ACACA: variants seen among roughly 807,000 people sequenced by gnomAD.
ACACA encodes acetyl-CoA carboxylase alpha, also known as acetyl-CoA carboxylase 1.
In ACACA, 103 loss-of-function variants were observed where a neutral mutation model predicts 296.1. The observed-to-expected ratio is 0.35, with a 90% confidence interval of 0.30 to 0.41. ACACA has a LOEUF of 0.41. ACACA is among the 10% of genes least tolerant of loss of function. ACACA has a pLI of 1.00. For missense variants in ACACA, 1,554 were observed against 2,989.7 expected, an observed-to-expected ratio of 0.52 and a Z score of 11.20; for synonymous variants, 953 against 1,038.6, an observed-to-expected ratio of 0.92 and a Z score of 1.58.
intron 25 of ACACA, among the ~76,000 whole-genome samples, chr17:37,229,036 C>T (rs1189343538): frequency 1.3e-5 from 2 of 149,950 alleles, no homozygotes; most frequent in Admixed American, 1.3e-4. Flanking sequence ...CCCAACTACT[C>T]GGGAGGCTGA....
chr17:37,087,325 A>C lies in ACACA; in HGVS notation c.7143T>G (p.Pro2381=). The C allele has an allele frequency of 1.2e-6, 2 of 1,614,174 alleles. No homozygotes were observed. Among genetic ancestry groups the C allele is most frequent in the Non-Finnish European group, 1.7e-6 (2 of 1,180,020 alleles). The change falls in exon 56 of 56, where the codon CCT becomes CCG. Residue 2381 remains proline, a synonymous_variant. Coordinates refer to ENST00000616317, the MANE Select transcript of ACACA (RefSeq NM_198834.3). ...AGGCAGGAAGCTCTTCCTACGTGGA[A>C]GGGGAATCCATTGTGGAGAGGATCC... ...VIRILSTMDS[P]ST
intron 3 of ACACA, among the ~76,000 whole-genome samples, chr17:37,329,962 A>G (rs1225227569): frequency 2.0e-5 from 3 of 152,118 alleles, no homozygotes; most frequent in African/African-American, 7.2e-5. Context: ...ACAAAAACAA[A>G]AAAAACCTAG....
At position 37,277,795 on chromosome 17, in the gene ACACA, G is replaced by T. The variant is rs76327436; in HGVS notation, c.720+101C>A. 1,749 of 916,338 alleles carry T rather than the reference G, an allele frequency of 1.9e-3. 1 individual carries two copies. Among genetic ancestry groups the T allele is most frequent in the Non-Finnish European group, 2.7e-3 (1,545 of 566,330 alleles). The allele number at this position is 916,338 out of a possible 1,614,324, so 56.8% of individuals were successfully genotyped here. A position where few individuals can be genotyped will look rare whatever the true frequency, so the allele number is the denominator to read the frequency against. On this transcript the variant is annotated intron_variant, in intron 6 of 55. Coordinates refer to ENST00000616317, the MANE Select transcript of ACACA (RefSeq NM_198834.3). Reference sequence around the variant, plus strand: ...CATACACAGGCATTTAATAATTTTCGAAAATGATGCTTTACAAAAATGTTC... The same window carrying T: ...CATACACAGGCATTTAATAATTTTCTAAAATGATGCTTTACAAAAATGTTC...
intron 52 of ACACA, among the ~76,000 whole-genome samples, chr17:37,111,107 G>A (rs925167956): frequency 3.9e-5 from 6 of 152,042 alleles, no homozygotes; most frequent in African/African-American, 9.7e-5. Context: ...GGAAGACCCC[G>A]GAACACCACC....
chr17:37,213,229 A>T (rs2078834536), intron 29 of ACACA, among the ~76,000 whole-genome samples: 1 of 151,076 alleles, frequency 6.6e-6, no homozygotes, highest in Non-Finnish European at 1.5e-5. Context: ...CACACAGTAC[A>T]CCTGTAATCC....
At chr17:37,111,067 C>A (rs569326609) in intron 52 of ACACA, among the ~76,000 whole-genome samples, 2 of 152,228 alleles carry the variant, frequency 1.3e-5, no homozygotes, top group South Asian at 2.1e-4. Context: ...GCACACAGTG[C>A]GCAATCTTTA....
Position 37,097,215 on chromosome 17 carries a change from T to A in ACACA, c.6721-49A>T, listed in dbSNP as rs760616500. The A allele has an allele frequency of 6.3e-7, 1 of 1,597,634 alleles. No homozygotes were observed. The highest frequency in any genetic ancestry group is 1.1e-5 in the South Asian group (1 of 90,526). On this transcript the variant is annotated intron_variant, in intron 53 of 55. Transcript: ENST00000616317. This position sits in a 1 kb window ranked among gnomAD's most constrained non-coding sequence, Gnocchi z 4.8. ...TAGCCCAGTCCTAATTCCTGCTTAA[T>A]GCTCAGTCTGGAGGGAAACCCACAG...
intron 24 of ACACA, among the ~76,000 whole-genome samples, chr17:37,237,894 T>G (rs766998360): frequency 7.2e-5 from 11 of 152,112 alleles, no homozygotes; most frequent in Admixed American, 2.0e-4. Flanking sequence ...CCCAAGAAGC[T>G]AGGACTACAG....
intron 1 of ACACA, chr17:37,385,868 A>G (rs960534534): frequency 1.2e-4 from 63 of 545,308 alleles, no homozygotes; most frequent in Middle Eastern, 9.2e-4. Flanking sequence ...TTTTGTGCTC[A>G]CACCCTAAAC....
chr17:37,179,568 G>T (rs1337016990), intron 40 of ACACA, among the ~76,000 whole-genome samples, 162 bp from the exon 41 acceptor site: 1 of 152,130 alleles, frequency 6.6e-6, no homozygotes, highest in African/African-American at 2.4e-5. Flanking sequence ...AGTTAAAATA[G>T]ATTTGTAATT....
intron 39 of ACACA, among the ~76,000 whole-genome samples, chr17:37,185,402 CTTTTTTTTTTTTT>C (rs67821579): frequency 4.1e-5 from 2 of 48,438 alleles, no homozygotes; most frequent in Non-Finnish European, 7.4e-5. Flanking sequence ...CTGGCTATTT[CTTTTTTTTTTTTT>C]TTTTTTTTTT....
intron 50 of ACACA, among the ~76,000 whole-genome samples, chr17:37,120,038 C>T (rs1372952408): frequency 6.6e-6 from 1 of 150,382 alleles, no homozygotes; most frequent in Non-Finnish European, 1.5e-5. Context: ...GGATTATAGG[C>T]ATGCACCACC....
intron 2 of ACACA, among the ~76,000 whole-genome samples, chr17:37,337,301 A>G (rs2147290023): frequency 6.6e-6 from 1 of 152,080 alleles, no homozygotes; most frequent in Non-Finnish European, 1.5e-5. Flanking sequence ...CTGTAGTCCC[A>G]GCTACTGGGG....
In ACACA at chr17:37,244,585, T is replaced by C. The variant is rs536606529; in HGVS notation, c.2742+3A>G. ...TCCCTTCCCCAGGAGACGTGATACA[T>C]ACCTTGCTGCTAAAGAAAGGATCTG... On this transcript the variant is annotated splice_donor_region_variant and intron_variant, in intron 21 of 55. Transcript: ENST00000616317. 3 of 1,614,110 alleles carry C rather than the reference T, an allele frequency of 1.9e-6. No individual in the cohort carries two copies. The highest frequency in any genetic ancestry group is 2.2e-5 in the South Asian group (2 of 91,080).
intron 1 of ACACA, among the ~76,000 whole-genome samples, chr17:37,373,831 A>G (rs1449951530): frequency 6.6e-6 from 1 of 152,144 alleles, no homozygotes; most frequent in Admixed American, 6.6e-5. Flanking sequence ...GGGAGCAGAG[A>G]ATCATGTCAT....
chr17:37,187,766 C>A (rs1005437775), intron 39 of ACACA, among the ~76,000 whole-genome samples: 5 of 152,066 alleles, frequency 3.3e-5, no homozygotes, highest in African/African-American at 1.2e-4. Flanking sequence ...AAAACAGAAA[C>A]AGAACACAAT....
At chr17:37,303,634 G>A (rs1015942514) in intron 3 of ACACA, among the ~76,000 whole-genome samples, 3 of 152,168 alleles carry the variant, frequency 2.0e-5, no homozygotes, top group Admixed American at 6.5e-5. Flanking sequence ...GAGGCAAGTG[G>A]ATCACTTGAG....
intron 1 of ACACA, among the ~76,000 whole-genome samples, chr17:37,370,983 C>CAA (rs77796641): frequency 1.6e-4 from 21 of 131,414 alleles, no homozygotes; most frequent in South Asian, 7.0e-4. Flanking sequence ...GACTCCATCT[C>CAA]AAAAAAAAAA....
chr17:37,319,267 T>TA (rs1259723844), intron 3 of ACACA, among the ~76,000 whole-genome samples: 1 of 152,082 alleles, frequency 6.6e-6, no homozygotes, highest in African/African-American at 2.4e-5. Flanking sequence ...GAGAAATGAA[T>TA]AGAGTGTGTA....
Sources: allele counts gnomAD v4.1 joint callset (sites outside exome capture counted in the v4.1 genomes callset), GRCh38; gene constraint gnomAD v4.1.1; non-coding constraint Gnocchi (gnomAD v3.1); transcripts MANE v1.5; gene names NCBI Gene and HGNC (gene_info 2026-07-23, HGNC 2026-07-21).